MYO1E: variants seen among roughly 807,000 people sequenced by gnomAD.
MYO1E encodes unconventional myosin-Ie.
Under a neutral mutation model 151.1 loss-of-function variants are expected in MYO1E, and 68 were observed. The ratio of observed to expected loss-of-function variants is 0.45; its 90% CI spans 0.37 to 0.55. The LOEUF is 0.55. Ranked by LOEUF, MYO1E falls within the 20% of genes least tolerant of loss-of-function variation. MYO1E has a pLI of 0.00. For missense variants in MYO1E, 1,363 were observed against 1,389.3 expected (o/e 0.98, Z 0.30); for synonymous variants, 601 against 501.7 (o/e 1.20, Z -2.64).
In MYO1E at chr15:59,208,920, C is replaced by G. The variant is rs1263842391; in HGVS notation, c.1363-72G>C. 3 of 1,575,926 alleles carry G rather than the reference C, an allele frequency of 1.9e-6. No homozygotes were observed. In the African/African-American group the frequency reaches 4.0e-5, roughly 21 times the overall value. On this transcript the variant is annotated intron_variant, in intron 13 of 27. Coordinates refer to ENST00000288235, the MANE Select transcript of MYO1E (RefSeq NM_004998.4). Reference sequence around the variant, plus strand: ...ACAGACAATGCTTATCAGGTCCTTTCTTAGGCAAGGAAACAGCTCCCCAGA... The same window carrying G: ...ACAGACAATGCTTATCAGGTCCTTTGTTAGGCAAGGAAACAGCTCCCCAGA...
rs939867635 is a variant in MYO1E at position 59,196,092 on chromosome 15, G to A, written c.1699-525C>T. The stretch of plus-strand genomic sequence containing the variant: ...ATGAAAATTCATAGTTAAAGAATGG[G>A]AGATTCATAAAAATCTGAGAATTTA... On this transcript the variant is annotated intron_variant, in intron 16 of 27. Coordinates refer to ENST00000288235, the MANE Select transcript of MYO1E (RefSeq NM_004998.4). 3.9e-5 allele frequency among the ~76,000 whole-genome samples: 6 copies of A among 152,200 alleles called. No individual in the cohort carries two copies. In the East Asian group the frequency reaches 1.2e-3, roughly 29 times the overall value.
rs372869745 is a variant in MYO1E, at chr15:59,187,602, A to C, written c.1904+516T>G. Reference sequence around the variant, plus strand: ...TTGAAGCATATACCCGAAAGAAATGAAATATGACCACATAAAAACTTGTAC... The same window carrying C: ...TTGAAGCATATACCCGAAAGAAATGCAATATGACCACATAAAAACTTGTAC... On this transcript the variant is annotated intron_variant, in intron 18 of 27. Transcript: ENST00000288235. Among the ~76,000 whole-genome samples, 5 of 152,380 alleles carry C rather than the reference A, an allele frequency of 3.3e-5. No homozygotes were observed. In the South Asian group the frequency reaches 1.0e-3, roughly 32 times the overall value.
intron 1 of MYO1E, among the ~76,000 whole-genome samples, chr15:59,286,732 G>C (rs1372540286): frequency 1.3e-5 from 2 of 152,202 alleles, no homozygotes; most frequent in Non-Finnish European, 2.9e-5. Context: ...AGGAATGCCT[G>C]TTTCTGGCAT....
intron 1 of MYO1E, among the ~76,000 whole-genome samples, chr15:59,300,352 C>T (rs189752827): frequency 0.022 from 3,317 of 152,244 alleles, 54 homozygotes; most frequent in Middle Eastern, 0.034. Context: ...CTGGTGCACA[C>T]AGGCACACAC....
At chr15:59,334,034 C>T (rs188939115) in intron 1 of MYO1E, among the ~76,000 whole-genome samples, 13 of 152,274 alleles carry the variant, frequency 8.5e-5, no homozygotes, top group African/African-American at 2.6e-4. Flanking sequence ...ATGACTCACA[C>T]CTGTAATAGC....
At chr15:59,164,107 G>A (rs1180891575) in intron 22 of MYO1E, among the ~76,000 whole-genome samples, 4 of 152,192 alleles carry the variant, frequency 2.6e-5, no homozygotes, top group African/African-American at 7.2e-5. Context: ...CCGAGGAAAC[G>A]CTTGCTGGTC....
At chr15:59,344,140 C>A (rs2080780991) in intron 1 of MYO1E, among the ~76,000 whole-genome samples, 1 of 152,202 alleles carries the variant, frequency 6.6e-6, no homozygotes, top group African/African-American at 2.4e-5. Flanking sequence ...TTGTTTGTAC[C>A]CATCCTTCTT....
chr15:59,173,340 T>A (rs1174261647), intron 21 of MYO1E, among the ~76,000 whole-genome samples: 1 of 152,218 alleles, frequency 6.6e-6, no homozygotes, highest in Non-Finnish European at 1.5e-5. Context: ...GAGAAACTGG[T>A]TAAAAATAAT....
chr15:59,224,382 A>G (rs761861727), intron 8 of MYO1E, among the ~76,000 whole-genome samples: 7 of 152,232 alleles, frequency 4.6e-5, no homozygotes, highest in Non-Finnish European at 5.9e-5. Context: ...TCACGAATAG[A>G]GTAGGCCATC....
At chr15:59,167,671 A>C (rs184397128) in intron 22 of MYO1E, among the ~76,000 whole-genome samples, 68 of 152,088 alleles carry the variant, frequency 4.5e-4, no homozygotes, top group Middle Eastern at 3.4e-3. Flanking sequence ...GTTTCACTTT[A>C]ATTTTTATTT....
intron 1 of MYO1E, among the ~76,000 whole-genome samples, chr15:59,333,878 T>C (rs1166023369): frequency 6.6e-6 from 1 of 152,212 alleles, no homozygotes; most frequent in African/African-American, 2.4e-5. Context: ...AGCTACTTCT[T>C]CCTCTGAAAC....
intron 4 of MYO1E, among the ~76,000 whole-genome samples, chr15:59,252,730 C>T (rs866037160): frequency 9.5e-5 from 12 of 126,252 alleles, no homozygotes; most frequent in African/African-American, 2.9e-4. Context: ...AAAAAAAAAG[C>T]GAAAGAATTA....
At chr15:59,142,246 C>T (rs1182183400) in intron 26 of MYO1E, among the ~76,000 whole-genome samples, 13 of 152,152 alleles carry the variant, frequency 8.5e-5, no homozygotes, top group Admixed American at 2.0e-4. Flanking sequence ...CCAGTTGAAC[C>T]CACAGATGCT....
At chr15:59,302,166 G>A (rs1223274774) in intron 1 of MYO1E, among the ~76,000 whole-genome samples, 2 of 152,140 alleles carry the variant, frequency 1.3e-5, no homozygotes, top group African/African-American at 4.8e-5. Flanking sequence ...AGTTAGAAAA[G>A]AGTACACCTT....
At chr15:59,300,862 TTTTC>T in intron 1 of MYO1E, among the ~76,000 whole-genome samples, 1 of 145,628 alleles carries the variant, frequency 6.9e-6, no homozygotes, top group South Asian at 2.1e-4. Context: ...TTTTCCTTTT[TTTTC>T]TTTTTTTTTT....
intron 7 of MYO1E, among the ~76,000 whole-genome samples, chr15:59,226,979 T>C (rs1042999730): frequency 1.3e-5 from 2 of 152,200 alleles, no homozygotes; most frequent in Non-Finnish European, 2.9e-5. Flanking sequence ...ATCTCAAATC[T>C]TTCCTCCGGT....
chr15:59,344,870 T>C lies in MYO1E; in HGVS notation c.3+27628A>G, dbSNP rs535897657. Among the ~76,000 whole-genome samples the C allele has an allele frequency of 3.9e-5, 6 of 152,286 alleles. No homozygotes were observed. The South Asian group carries it at 6.2e-4, about 16-fold the overall frequency. Reference sequence around the variant, plus strand: ...ATACAAGCAGCCATTAGCCAGTCAATAGGCACTAGAATCAATAGGTACTAA... The same window carrying C: ...ATACAAGCAGCCATTAGCCAGTCAACAGGCACTAGAATCAATAGGTACTAA... On this transcript the variant is annotated intron_variant, in intron 1 of 27. Transcript: ENST00000288235.
chr15:59,266,661 T>C, intron 2 of MYO1E: 1 of 146,266 alleles, frequency 6.8e-6, no homozygotes, highest in African/African-American at 2.5e-5. Flanking sequence ...TGTTTTGCTG[T>C]TCTTTTTTTT....
At chr15:59,228,175 T>C (rs547510118) in intron 6 of MYO1E, among the ~76,000 whole-genome samples, 12 of 152,270 alleles carry the variant, frequency 7.9e-5, no homozygotes, top group African/African-American at 2.6e-4. Flanking sequence ...TGAAAAGGTA[T>C]CTAGGTTGTT....
Sources: allele counts gnomAD v4.1 joint callset (sites outside exome capture counted in the v4.1 genomes callset), GRCh38; gene constraint gnomAD v4.1.1; transcripts MANE v1.5; gene names NCBI Gene and HGNC (gene_info 2026-07-23, HGNC 2026-07-21).